The following ASH1L variants were observed in gnomAD, a reference collection of about 807,000 sequenced individuals.
ASH1L encodes histone-lysine N-methyltransferase ASH1L.
A neutral mutation model predicts 269.0 loss-of-function variants in ASH1L; 23 were observed. The observed-to-expected ratio is 0.09, with a 90% confidence interval of 0.06 to 0.12. ASH1L has a LOEUF of 0.12. Ranked by LOEUF, ASH1L falls within the 10% of genes least tolerant of loss-of-function variation. The pLI is 1.00. For synonymous variants in ASH1L, 1,187 were observed against 1,253.5 expected, an observed-to-expected ratio of 0.95 and a Z score of 1.12; for missense variants, 2,912 against 3,567.8, an observed-to-expected ratio of 0.82 and a Z score of 4.68.
chr1:155,441,454 C>CAT (rs1250429232), intron 4 of ASH1L, among the ~76,000 whole-genome samples: 3 of 73,540 alleles, frequency 4.1e-5, no homozygotes, highest in African/African-American at 9.7e-5. Context: ...ATAAAGAATC[C>CAT]TTTTTTTTTT....
intron 7 of ASH1L, among the ~76,000 whole-genome samples, chr1:155,381,582 C>T (rs1419948686): frequency 1.3e-5 from 2 of 149,276 alleles, no homozygotes; most frequent in African/African-American, 2.5e-5. Flanking sequence ...AACAAAAAAA[C>T]CAACCTTGGC....
In ASH1L at chr1:155,340,799, A is replaced by G. The variant is rs1405195555; in HGVS notation, c.8460+1137T>C. Among the ~76,000 whole-genome samples, 5 of 147,856 alleles carry G rather than the reference A, an allele frequency of 3.4e-5. No homozygotes were observed. The East Asian group carries it at 9.8e-4, about 29-fold the overall frequency. ...TTAATTTTTTTTTTTTTTTTGAGAC[A>G]GGGTCTCTGTCACTCAGGCTGGAGT... On this transcript the variant is annotated intron_variant, in intron 25 of 27. Coordinates refer to ENST00000392403, the MANE Select transcript of ASH1L (RefSeq NM_018489.3).
chr1:155,371,129 A>T, intron 10 of ASH1L, 146 bp from the exon 11 acceptor site: 1 of 728,214 alleles, frequency 1.4e-6, no homozygotes. Flanking sequence ...GATTAAAATA[A>T]TAAATGTCAA....
chr1:155,493,097 A>G (rs1483434312), intron 2 of ASH1L, among the ~76,000 whole-genome samples: 3 of 152,194 alleles, frequency 2.0e-5, no homozygotes, highest in East Asian at 3.8e-4. Flanking sequence ...AATTACAAGC[A>G]TGTGCCACTG....
chr1:155,504,295 C>G (rs1667684140), intron 2 of ASH1L, among the ~76,000 whole-genome samples: 1 of 152,156 alleles, frequency 6.6e-6, no homozygotes, highest in African/African-American at 2.4e-5. Flanking sequence ...AAGGGTCAAG[C>G]TGAGCTTTGC....
intron 2 of ASH1L, among the ~76,000 whole-genome samples, chr1:155,490,114 G>A (rs541310237): frequency 1.1e-4 from 17 of 151,648 alleles, no homozygotes; most frequent in African/African-American, 3.6e-4. Flanking sequence ...GACTACGCCC[G>A]CCACCATGCC....
intron 6 of ASH1L, among the ~76,000 whole-genome samples, chr1:155,400,530 CTG>C (rs909089704): frequency 6.6e-5 from 10 of 152,146 alleles, no homozygotes; most frequent in Admixed American, 2.6e-4. Flanking sequence ...GCTGAGGACA[CTG>C]AGGATCAAGG....
chr1:155,383,709 G>C (rs1385541991), intron 7 of ASH1L, among the ~76,000 whole-genome samples: 1 of 152,168 alleles, frequency 6.6e-6, no homozygotes, highest in African/African-American at 2.4e-5. Flanking sequence ...AGATACAAAA[G>C]AACAGGTATT....
In ASH1L at chr1:155,481,813, T is replaced by C; in HGVS notation, c.1057A>G (p.Lys353Glu). 2 of 1,614,260 alleles carry C rather than the reference T, an allele frequency of 1.2e-6. No homozygotes were observed. Among genetic ancestry groups the C allele is most frequent in the Non-Finnish European group, 1.7e-6 (2 of 1,180,038 alleles). The change falls in exon 3 of 28, where the codon AAA becomes GAA. Residue 353 changes from lysine (K) to glutamate (E), a missense_variant. Transcript: ENST00000392403. ...GIGIVPGLVHKESGKKLGLGT... is the reference protein window; with the variant it reads ...GIGIVPGLVHEESGKKLGLGT... ...AGTCCTAACTTCTTGCCAGACTCTT[T>C]ATGCACTAAACCTGGAACAATACCA...
intron 1 of ASH1L, among the ~76,000 whole-genome samples, chr1:155,551,970 C>T (rs879340096): frequency 1.1e-4 from 17 of 151,712 alleles, no homozygotes; most frequent in African/African-American, 1.7e-4. Context: ...GTTGAGACTC[C>T]GTGTCAAAAA....
rs1656660652 is a variant in ASH1L, at chr1:155,378,495, T to TC, written c.6223+7_6223+8insG. 7 of 1,613,400 alleles carry TC rather than the reference T, an allele frequency of 4.3e-6. No homozygotes were observed. In the East Asian group the frequency reaches 1.6e-4, roughly 36 times the overall value. ...AGAGGCAGAAAAAATAGCTCCTAAGTTACTCACTTGAACGAATTTTCTTAT... is the reference window on the plus strand; with the variant it reads ...AGAGGCAGAAAAAATAGCTCCTAAGTCTACTCACTTGAACGAATTTTCTTAT... On this transcript the variant is annotated splice_region_variant and intron_variant, in intron 9 of 27. Coordinates refer to ENST00000392403, the MANE Select transcript of ASH1L (RefSeq NM_018489.3).
At chr1:155,503,323 T>G (rs2148799655) in intron 2 of ASH1L, among the ~76,000 whole-genome samples, 1 of 152,346 alleles carries the variant, frequency 6.6e-6, no homozygotes, top group African/African-American at 2.4e-5. Flanking sequence ...CTACCATCTG[T>G]GCATTTTTGT....
chr1:155,490,654 A>ACACTCT (rs1345649483), intron 2 of ASH1L, among the ~76,000 whole-genome samples: 4 of 148,358 alleles, frequency 2.7e-5, no homozygotes, highest in African/African-American at 9.9e-5. Context: ...ATACACACAC[A>ACACTCT]CTCTCTCTCT....
In ASH1L at chr1:155,347,893, C is replaced by T. The variant is rs956564191; in HGVS notation, c.7566G>A (p.Gly2522=). The T allele has an allele frequency of 1.9e-6, 3 of 1,614,080 alleles. No individual in the cohort carries two copies. Among genetic ancestry groups the T allele is most frequent in the Admixed American group, 1.7e-5 (1 of 60,002 alleles). ...KVFRNAEKYY[G]RKSPVGRDVC... ...CATCTCTCCCAACTGGGGATTTACG[C>T]CCATAGTACTTCTGAAGAAAGCAAA... The change falls in exon 20 of 28, where the codon GGG becomes GGA. Residue 2522 remains glycine, a synonymous_variant. Transcript: ENST00000392403.
At chr1:155,438,257 T>C in intron 5 of ASH1L, 70 bp downstream of exon 5, 1 of 1,421,592 alleles carries the variant, frequency 7.0e-7, no homozygotes, top group South Asian at 1.4e-5. Flanking sequence ...ATAATTCAGC[T>C]ATAGAGTTAC....
Position 155,459,866 on chromosome 1 carries a change from G to A in ASH1L, c.5017C>T (p.Arg1673Trp), listed in dbSNP as rs769430692. The change falls in exon 4 of 28, where the codon CGG becomes TGG. Residue 1673 changes from arginine to tryptophan, a missense_variant. Physicochemically the swap from Arg to Trp is moderately radical, Grantham distance 101. This residue lies in a region of ASH1L where 789 missense variants were observed against 897.6 expected (regional missense o/e 0.88). Transcript: ENST00000392403. Reference protein sequence around the residue: ...SQPTSDKPSQRPSESTNCSPT... With the variant: ...SQPTSDKPSQWPSESTNCSPT... ...CTACAATTTGTGCTCTCTGATGGCC[G>A]CTGGGAGGGTTTATCAGAGGTTGGC... is the stretch of plus-strand genomic sequence containing the variant. 33 of 1,610,670 alleles carry A rather than the reference G, an allele frequency of 2.0e-5. No individual in the cohort carries two copies. Among genetic ancestry groups the A allele is most frequent in the African/African-American group, 1.7e-4 (13 of 74,678 alleles).
intron 8 of ASH1L, among the ~76,000 whole-genome samples, chr1:155,379,430 T>C (rs549622430): frequency 3.3e-5 from 5 of 152,300 alleles, no homozygotes; most frequent in Non-Finnish European, 7.4e-5. Context: ...CTCAATTGCA[T>C]GACTATTTCT....
intron 5 of ASH1L, among the ~76,000 whole-genome samples, chr1:155,427,132 A>ATTTT (rs67465671): frequency 2.1e-5 from 2 of 96,082 alleles, no homozygotes; most frequent in Admixed American, 1.2e-4. Flanking sequence ...CTCTGATATA[A>ATTTT]TTTTTTTTTT....
At chr1:155,444,615 TTC>T (rs370264850) in intron 4 of ASH1L, among the ~76,000 whole-genome samples, 1 of 152,012 alleles carries the variant, frequency 6.6e-6, no homozygotes, top group African/African-American at 2.4e-5. Context: ...AAATAATGTT[TTC>T]TGTTTGTTTG....
Sources: gnomAD v4.1 joint callset for allele counts (sites outside exome capture counted in the v4.1 genomes callset) on GRCh38, gnomAD v4.1.1 for gene constraint, gnomAD v4.1.1 regional missense constraint, MANE v1.5 for transcripts, NCBI Gene and HGNC (gene_info 2026-07-23, HGNC 2026-07-21) for gene names.